The following STS variants were observed in gnomAD, a reference collection of about 807,000 sequenced individuals.
STS encodes the protein steroid sulfatase.
In STS, 7 loss-of-function variants were observed where a neutral mutation model predicts 26.8. That is an observed-to-expected ratio of 0.26 (90% CI 0.15 to 0.49). The LOEUF is 0.49. Among genes scored for constraint, STS ranks in the 20% least tolerant of loss-of-function variants. The probability of loss-of-function intolerance (pLI) is 0.98; values close to 1 mark genes in which losing one functional copy is unlikely to be tolerated. For synonymous variants in STS, 199 were observed against 189.4 expected, an observed-to-expected ratio of 1.05 and a Z score of -0.42; for missense variants, 434 against 465.6, an observed-to-expected ratio of 0.93 and a Z score of 0.63.
intron 2 of STS, among the ~76,000 whole-genome samples, chrX:7,202,677 A>G (rs1934094122): frequency 1.8e-5 from 2 of 111,362 alleles, no homozygotes; most frequent in Non-Finnish European, 3.8e-5. Context: ...GACTGGATTA[A>G]GGGATACTTA....
At chrX:7,264,007 A>G (rs1396316827) in intron 6 of STS, among the ~76,000 whole-genome samples, 8 of 112,162 alleles carry the variant, frequency 7.1e-5, no homozygotes, top group African/African-American at 2.6e-4. Context: ...CCTTTAAGCA[A>G]CTATTTATAG....
chrX:7,199,161 G>A (rs1934023836), intron 2 of STS, among the ~76,000 whole-genome samples: 1 of 111,489 alleles, frequency 9.0e-6, no homozygotes, highest in Admixed American at 9.6e-5. Flanking sequence ...TTTTAGGAGC[G>A]AGCCTGCAAT....
intron 2 of STS, among the ~76,000 whole-genome samples, chrX:7,234,097 A>G (rs1456986454): frequency 2.7e-5 from 3 of 111,465 alleles, no homozygotes; most frequent in Non-Finnish European, 5.6e-5. Flanking sequence ...GTTCTGCCTG[A>G]TTTCCCCTGT....
chrX:7,152,948 G>A (rs983902121), intron 1 of STS, among the ~76,000 whole-genome samples: 25 of 112,056 alleles, frequency 2.2e-4, no homozygotes, highest in African/African-American at 7.8e-4. Context: ...CGTAATATCC[G>A]TAATGTTAGT....
rs769507941 is a variant in STS, at chrX:7,265,419, AATATTCATATGAT to A, written c.806+5648_806+5660del. On this transcript the variant is annotated intron_variant, in intron 6 of 10. Transcript: ENST00000674429. ...AATTATTTAATCTATTAGGTATATAAATATTCATATGATTACAAGTCATTTTAATGGGTATATA... is the reference window on the plus strand; with the variant it reads ...AATTATTTAATCTATTAGGTATATAATACAAGTCATTTTAATGGGTATATA... 2.2e-3 allele frequency among the ~76,000 whole-genome samples: 252 copies of A among 112,068 alleles called. 3 individuals carry two copies. Among genetic ancestry groups the A allele is most frequent in the African/African-American group, 7.8e-3 (240 of 30,928 alleles).
At chrX:7,174,687 C>T (rs898054888) in intron 1 of STS, among the ~76,000 whole-genome samples, 1 of 111,593 alleles carries the variant, frequency 9.0e-6, no homozygotes, top group Non-Finnish European at 1.9e-5. Context: ...CCAAATTTAT[C>T]CCTCTCCTGG....
intron 1 of STS, among the ~76,000 whole-genome samples, chrX:7,169,990 A>C (rs758526469): frequency 2.2e-4 from 25 of 111,443 alleles, no homozygotes; most frequent in African/African-American, 8.1e-4. Context: ...CCTTGTAAAC[A>C]GTGAAGAGAA....
intron 2 of STS, among the ~76,000 whole-genome samples, chrX:7,244,716 G>A (rs998815690): frequency 8.2e-4 from 91 of 111,078 alleles, no homozygotes; most frequent in African/African-American, 2.9e-3. Flanking sequence ...GGCCAGGGAT[G>A]GTGCTAAGCA....
In STS at chrX:7,253,269, A is replaced by G. The variant is rs372860621; in HGVS notation, c.70A>G (p.Ile24Val). The G allele has an allele frequency of 2.2e-5, 27 of 1,209,715 alleles. 1 individual carries two copies. The highest frequency in any genetic ancestry group is 2.7e-5 in the Non-Finnish European group (24 of 895,100). Residue 24 changes from isoleucine (I) to valine (V), a missense_variant, in exon 3 of 11, where the codon ATC becomes GTC. By Grantham distance (29) the Ile-to-Val change is conservative. Transcript: ENST00000674429. The part of the protein sequence containing the change: ...AESHAASRPN[I>V]ILVMADDLGI... ...GAGCCACGCAGCATCAAGGCCGAAC[A>G]TCATCCTGGTGATGGCTGACGACCT...
At chrX:7,324,157 G>C (rs888153744) in intron 8 of STS, among the ~76,000 whole-genome samples, 3 of 108,146 alleles carry the variant, frequency 2.8e-5, no homozygotes, top group African/African-American at 6.7e-5. Context: ...GGTAGCATGA[G>C]TCAAAATCGG....
At chrX:7,298,760 A>T (rs945934325) in intron 7 of STS, among the ~76,000 whole-genome samples, 2 of 108,942 alleles carry the variant, frequency 1.8e-5, no homozygotes, top group Admixed American at 2.0e-4. Flanking sequence ...TTTAGCTGAA[A>T]TACTGGAGTC....
chrX:7,195,642 T>C (rs1933959814), intron 2 of STS, among the ~76,000 whole-genome samples: 1 of 112,716 alleles, frequency 8.9e-6, no homozygotes, highest in Admixed American at 9.4e-5. Flanking sequence ...ACATCCACTC[T>C]AGTGAAAGCA....
At chrX:7,330,675 G>A (rs181424817) in intron 9 of STS, among the ~76,000 whole-genome samples, 14 of 112,143 alleles carry the variant, frequency 1.2e-4, no homozygotes, top group African/African-American at 3.6e-4. Context: ...GAGTGATACA[G>A]ATGAAAAAGT....
intron 2 of STS, among the ~76,000 whole-genome samples, chrX:7,229,840 T>C (rs1292571872): frequency 4.6e-5 from 5 of 109,284 alleles, no homozygotes; most frequent in Non-Finnish European, 9.5e-5. Context: ...ACATCCTGGA[T>C]TCTAGTTCAT....
chrX:7,308,220 G>T (rs1329908825), intron 8 of STS, among the ~76,000 whole-genome samples: 1 of 112,093 alleles, frequency 8.9e-6, no homozygotes, highest in African/African-American at 3.2e-5. Flanking sequence ...GGAGTTCCAG[G>T]CTGCATTCCA....
intron 1 of STS, among the ~76,000 whole-genome samples, chrX:7,169,564 G>A (rs1223108783): frequency 9.0e-6 from 1 of 111,469 alleles, no homozygotes; most frequent in African/African-American, 3.3e-5. Context: ...AGGATTTCTG[G>A]GTCATATGGT....
chrX:7,288,200 A>G (rs1479381696), intron 7 of STS, among the ~76,000 whole-genome samples: 1 of 108,442 alleles, frequency 9.2e-6, no homozygotes, highest in African/African-American at 3.4e-5. Flanking sequence ...GTCTTTTGCA[A>G]TAAATTTTTG....
At chrX:7,329,344 A>G (rs1471663665) in intron 9 of STS, among the ~76,000 whole-genome samples, 4 of 112,197 alleles carry the variant, frequency 3.6e-5, no homozygotes, top group African/African-American at 1.3e-4. Context: ...CCCTACTGCA[A>G]TGATTATCTT....
At chrX:7,242,326 C>G (rs1398100643) in intron 2 of STS, among the ~76,000 whole-genome samples, 3 of 110,112 alleles carry the variant, frequency 2.7e-5, no homozygotes, top group African/African-American at 9.9e-5. Context: ...TTAATAATAA[C>G]TTAATATTAT....
Sources: allele counts gnomAD v4.1 joint callset (sites outside exome capture counted in the v4.1 genomes callset), GRCh38; gene constraint gnomAD v4.1.1; transcripts MANE v1.5; gene names NCBI Gene and HGNC (gene_info 2026-07-23, HGNC 2026-07-21).